LIF: variants seen among roughly 807,000 people sequenced by gnomAD.
LIF encodes leukemia inhibitory factor.
In LIF, 9 loss-of-function variants were observed where a neutral mutation model predicts 15.0. The observed-to-expected ratio is 0.60, with a 90% CI of 0.36 to 1.04. The LOEUF (loss-of-function observed/expected upper bound fraction) is 1.04. LIF is among the 50% of genes least tolerant of loss of function. The pLI, the probability that LIF is intolerant of heterozygous loss-of-function variation, is 0.01. For synonymous variants in LIF, 122 were observed against 119.7 expected (o/e 1.02, Z -0.13); for missense variants, 240 against 266.7 (o/e 0.90, Z 0.70).
rs116784751 is a variant in LIF at position 30,242,901 on chromosome 22, G to C, written c.*750C>G. ...ACCCCTGCTGCAGGTCCAGCCATCA[G>C]ACCCTGGCCATCCCAGGCTGCAGGG... On this transcript the variant is annotated 3_prime_UTR_variant, in exon 3 of 3. Transcript: ENST00000249075. 1,947 of 154,498 alleles carry C rather than the reference G, an allele frequency of 0.013. 46 individuals carry two copies. The highest frequency in any genetic ancestry group is 0.044 in the African/African-American group (1,839 of 41,552). The allele number at this position is 154,498 out of a possible 1,614,324, so 9.6% of individuals were successfully genotyped here.
rs936506278 is a variant in LIF at position 30,241,098 on chromosome 22, G to T, written c.*2553C>A. On this transcript the variant is annotated 3_prime_UTR_variant, in exon 3 of 3. Transcript: ENST00000249075. The surrounding 1 kb of genome is among the most constrained non-coding windows in gnomAD (Gnocchi z 4.4). Reference sequence around the variant, plus strand: ...TCCCGGCCTGGCAGAGCTGTTTCACGCAAAGGCTCTGTGATTCAGTGATGC... The same window carrying T: ...TCCCGGCCTGGCAGAGCTGTTTCACTCAAAGGCTCTGTGATTCAGTGATGC... 1 of 152,302 alleles carries T rather than the reference G, an allele frequency of 6.6e-6. No individual in the cohort carries two copies. The highest frequency in any genetic ancestry group is 6.5e-5 in the Admixed American group (1 of 15,288). The allele number at this position is 152,302 out of a possible 1,614,324, so 9.4% of individuals were successfully genotyped here. A position where few individuals can be genotyped will look rare whatever the true frequency, so the allele number is the denominator to read the frequency against.
intron 1 of LIF, 55 bp downstream of exon 1, chr22:30,246,622 T>G (rs777866728): frequency 5.2e-6 from 8 of 1,536,806 alleles, no homozygotes; most frequent in East Asian, 5.0e-5. Context: ...CGCCCCAAGT[T>G]GCCGCCGCGC....
chr22:30,244,745 G>A lies in LIF; in HGVS notation c.198+10C>T, dbSNP rs931347259. ...TGCCATCTCCTGTCAGTATCCCAGG[G>A]GTAACTTACATAGAGAATAAAGAGG... On this transcript the variant is annotated intron_variant, in intron 2 of 2. Transcript: ENST00000249075. 8.7e-6 allele frequency: 14 copies of A among 1,612,958 alleles called. No individual in the cohort carries two copies. The South Asian group carries it at 1.4e-4, about 16-fold the overall frequency.
intron 1 of LIF, among the ~76,000 whole-genome samples, chr22:30,245,927 C>T (rs534135112): frequency 6.6e-6 from 1 of 152,310 alleles, no homozygotes; most frequent in Admixed American, 6.5e-5. Flanking sequence ...CTCCCGACTC[C>T]CCCCAGGCCC....
rs1172788828 is a variant in LIF, at chr22:30,242,465, C to T, written c.*1186G>A. ...CTTCCAGACCAGGCCCTGCTAAGCC[C>T]TGGCCCTGGCGCTTGTGTCGGGAGC... On this transcript the variant is annotated 3_prime_UTR_variant, in exon 3 of 3. Coordinates refer to ENST00000249075, the MANE Select transcript of LIF (RefSeq NM_002309.5). 1 of 152,768 alleles carries T rather than the reference C, an allele frequency of 6.5e-6. No homozygotes were observed. 9.5% of individuals were successfully genotyped at this position (152,768 alleles called of 1,614,324 possible).
Position 30,244,923 on chromosome 22 carries a change from G to A in LIF, c.30C>T (p.Pro10=), listed in dbSNP as rs1928822199. MKVLAAGVV[P]LLLVLHWKHG... ...GTTTCCAGTGCAGAACCAACAGCAGGGGCACAACTCCTGGGGACAGTCAGG... is the reference window on the plus strand; with the variant it reads ...GTTTCCAGTGCAGAACCAACAGCAGAGGCACAACTCCTGGGGACAGTCAGG... Residue 10 remains proline (P), a synonymous_variant, in exon 2 of 3, where the codon CCC becomes CCT. Transcript: ENST00000249075. The A allele has an allele frequency of 1.2e-6, 2 of 1,613,926 alleles. No homozygotes were observed. Among genetic ancestry groups the A allele is most frequent in the South Asian group, 1.1e-5 (1 of 91,078 alleles).
chr22:30,245,182 A>G (rs1928836022), intron 1 of LIF, among the ~76,000 whole-genome samples: 1 of 152,196 alleles, frequency 6.6e-6, no homozygotes, highest in Non-Finnish European at 1.5e-5. Flanking sequence ...GCAAGACACA[A>G]GCCATTTCCA....
chr22:30,246,504 T>A, intron 1 of LIF, 173 bp downstream of exon 1: 1 of 1,280,772 alleles, frequency 7.8e-7, no homozygotes, highest in Non-Finnish European at 9.9e-7. Context: ...CTTGGGACCA[T>A]GTGCCCGCGC....
At chr22:30,244,164 A>G (rs776636975) in intron 2 of LIF, 103 bp from the exon 3 acceptor site, 9 of 1,111,540 alleles carry the variant, frequency 8.1e-6, no homozygotes, top group East Asian at 2.5e-5. Context: ...CATCTAGCGC[A>G]TGAGGACCCA....
intron 1 of LIF, 101 bp downstream of exon 1, chr22:30,246,576 T>C (rs1443864749): frequency 1.7e-5 from 25 of 1,492,884 alleles, no homozygotes; most frequent in Non-Finnish European, 2.2e-5. Context: ...TGTTCGTGTG[T>C]CTGCGGCGGG....
At chr22:30,246,291 T>G in intron 1 of LIF, 2 of 286,284 alleles carry the variant, frequency 7.0e-6, no homozygotes, top group Non-Finnish European at 1.1e-5. Flanking sequence ...GGGACCGCGG[T>G]TGGAAAGGAG....
Position 30,243,515 on chromosome 22 carries a change from G to T in LIF, c.*136C>A. 1 of 1,066,260 alleles carries T rather than the reference G, an allele frequency of 9.4e-7. No individual in the cohort carries two copies. Among genetic ancestry groups the T allele is most frequent in the Non-Finnish European group, 1.4e-6 (1 of 704,726 alleles). 66.0% of individuals were successfully genotyped at this position (1,066,260 alleles called of 1,614,324 possible). A position where few individuals can be genotyped will look rare whatever the true frequency, so the allele number is the denominator to read the frequency against. ...AGCCCAGAGTGGAGTGGACTGGCCA[G>T]GCACCCTCGGGGTCTGCCAGCAGCC... On this transcript the variant is annotated 3_prime_UTR_variant, in exon 3 of 3. Coordinates refer to ENST00000249075, the MANE Select transcript of LIF (RefSeq NM_002309.5). The surrounding 1 kb of genome is among the most constrained non-coding windows in gnomAD (Gnocchi z 6.0).
intron 2 of LIF, 31 bp from the exon 3 acceptor site, chr22:30,244,092 T>A (rs144047209): frequency 1.3e-6 from 2 of 1,578,892 alleles, no homozygotes; most frequent in Non-Finnish European, 1.7e-6. Flanking sequence ...GACGTGGGAG[T>A]CAGGGGTCAG....
In LIF at chr22:30,243,999, C is replaced by T. The variant is rs112776523; in HGVS notation, c.261G>A (p.Thr87=). 1.9e-5 allele frequency: 30 copies of T among 1,613,590 alleles called. No individual in the cohort carries two copies. Among genetic ancestry groups the T allele is most frequent in the Admixed American group, 5.0e-5 (3 of 60,004 alleles). Residue 87 remains threonine, a synonymous_variant, in exon 3 of 3, where the codon ACG becomes ACA. Transcript: ENST00000249075. The surrounding 1 kb of genome is among the most constrained non-coding windows in gnomAD (Gnocchi z 6.0). Reference sequence around the variant, plus strand: ...CGTTGGCGTGGAAGGGCGGGAAGTCCGTCACGTTGGGGCCACATAGCTTGT... The same window carrying T: ...CGTTGGCGTGGAAGGGCGGGAAGTCTGTCACGTTGGGGCCACATAGCTTGT... The part of the protein sequence containing the change: ...NLDKLCGPNV[T]DFPPFHANGT...
rs1031617017 is a variant in LIF, at chr22:30,242,433, T to C, written c.*1218A>G. 1.3e-5 allele frequency: 2 copies of C among 152,684 alleles called. No individual in the cohort carries two copies. Among genetic ancestry groups the C allele is most frequent in the African/African-American group, 4.8e-5 (2 of 41,406 alleles). 9.5% of individuals were successfully genotyped at this position (152,684 alleles called of 1,614,324 possible). A position where few individuals can be genotyped will look rare whatever the true frequency, so the allele number is the denominator to read the frequency against. On this transcript the variant is annotated 3_prime_UTR_variant, in exon 3 of 3. Coordinates refer to ENST00000249075, the MANE Select transcript of LIF (RefSeq NM_002309.5). Reference sequence around the variant, plus strand: ...CGTAAGGCTTATTCCACTTGTAACATTGTCGACTTCCAGACCAGGCCCTGC... The same window carrying C: ...CGTAAGGCTTATTCCACTTGTAACACTGTCGACTTCCAGACCAGGCCCTGC...
rs138963113 is a variant in LIF, at chr22:30,243,675, G to A, written c.585C>T (p.Ile195=). Residue 195 remains isoleucine, a synonymous_variant, in exon 3 of 3, where the codon ATC becomes ATT. Coordinates refer to ENST00000249075, the MANE Select transcript of LIF (RefSeq NM_002309.5). The surrounding 1 kb of genome is among the most constrained non-coding windows in gnomAD (Gnocchi z 6.0). ...CQLLGKYKQI[I]AVLAQAF ...GCTAGAAGGCCTGGGCCAACACGGC[G>A]ATGATCTGCTTATACTTCCCCAGGA... 20 of 1,614,106 alleles carry A rather than the reference G, an allele frequency of 1.2e-5. No individual in the cohort carries two copies. The highest frequency in any genetic ancestry group is 2.7e-5 in the African/African-American group (2 of 74,938).
Position 30,243,490 on chromosome 22 carries a change from A to T in LIF, c.*161T>A. ...ACTCTGCTCAGCTTCATCACAGCCC[A>T]GCCCAGAGTGGAGTGGACTGGCCAG... On this transcript the variant is annotated 3_prime_UTR_variant, in exon 3 of 3. Transcript: ENST00000249075. The surrounding 1 kb of genome is among the most constrained non-coding windows in gnomAD (Gnocchi z 6.0). 1.3e-6 allele frequency: 1 copy of T among 797,892 alleles called. No individual in the cohort carries two copies. The highest frequency in any genetic ancestry group is 2.1e-6 in the Non-Finnish European group (1 of 478,410). 49.4% of individuals were successfully genotyped at this position (797,892 alleles called of 1,614,324 possible).
rs746660268 is a variant in LIF at position 30,243,839 on chromosome 22, C to T, written c.421G>A (p.Ala141Thr). 28 of 1,614,112 alleles carry T rather than the reference C, an allele frequency of 1.7e-5. No homozygotes were observed. The South Asian group carries it at 2.3e-4, about 13-fold the overall frequency. The change falls in exon 3 of 3, where the codon GCC (alanine) becomes ACC (threonine). Residue 141 changes from alanine (A) to threonine (T), a missense_variant. Transcript: ENST00000249075. This position sits in a 1 kb window ranked among gnomAD's most constrained non-coding sequence, Gnocchi z 6.0. ...LSLHSKLNAT[A>T]DILRGLLSNV... Reference sequence around the variant, plus strand: ...CTAAGGAGGCCTCGCAGGATGTCGGCGGTGGCGTTGAGCTTGCTGTGGAGG... The same window carrying T: ...CTAAGGAGGCCTCGCAGGATGTCGGTGGTGGCGTTGAGCTTGCTGTGGAGG...
In LIF at chr22:30,242,081, T is replaced by C. The variant is rs1928692418; in HGVS notation, c.*1570A>G. The C allele has an allele frequency of 6.5e-6, 1 of 153,328 alleles. No individual in the cohort carries two copies. The highest frequency in any genetic ancestry group is 1.5e-5 in the Non-Finnish European group (1 of 68,624). 9.5% of individuals were successfully genotyped at this position (153,328 alleles called of 1,614,324 possible). On this transcript the variant is annotated 3_prime_UTR_variant, in exon 3 of 3. Coordinates refer to ENST00000249075, the MANE Select transcript of LIF (RefSeq NM_002309.5). ...GGGGCAGGGTTGTTCCAGGGCGCTA[T>C]TTCAGAGGCAGCATGGGGACACAGA...
Sources: allele counts gnomAD v4.1 joint callset (sites outside exome capture counted in the v4.1 genomes callset), GRCh38; gene constraint gnomAD v4.1.1; non-coding constraint Gnocchi (gnomAD v3.1); transcripts MANE v1.5; gene names NCBI Gene and HGNC (gene_info 2026-07-23, HGNC 2026-07-21).